The following WHRN variants were observed in gnomAD, a reference collection of about 807,000 sequenced individuals.
WHRN encodes the protein whirlin, also known as CASK-interacting protein CIP98.
WHRN carries 41 observed loss-of-function variants against 68.3 expected under a neutral mutation model. The observed-to-expected ratio is 0.60, with a 90% CI of 0.47 to 0.78. WHRN has a LOEUF of 0.78. WHRN is among the 30% of genes least tolerant of loss of function. The pLI, the probability that WHRN is intolerant of heterozygous loss-of-function variation, is 0.00. For missense variants in WHRN, 1,243 were observed against 1,244.7 expected, an observed-to-expected ratio of 1.00 and a Z score of 0.02; for synonymous variants, 560 against 561.3, an observed-to-expected ratio of 1.00 and a Z score of 0.03.
Position 114,424,636 on chromosome 9 carries a change from C to CT in WHRN, c.1204-91dup, listed in dbSNP as rs1836648176. 4 of 1,383,386 alleles carry CT rather than the reference C, an allele frequency of 2.9e-6. No individual in the cohort carries two copies. In the South Asian group the frequency reaches 3.7e-5, roughly 13 times the overall value. 85.7% of individuals were successfully genotyped at this position (1,383,386 alleles called of 1,614,324 possible). A position where few individuals can be genotyped will look rare whatever the true frequency, so the allele number is the denominator to read the frequency against. On this transcript the variant is annotated intron_variant, in intron 5 of 11. Coordinates refer to ENST00000362057, the MANE Select transcript of WHRN (RefSeq NM_015404.4). Reference sequence around the variant, plus strand: ...CTCCCCCTCTGCCCTTCCATCCTGTCTAAGTGTGGTGTTTCATCTGTTATT... The same window carrying CT: ...CTCCCCCTCTGCCCTTCCATCCTGTCTTAAGTGTGGTGTTTCATCTGTTATT...
At chr9:114,428,239 T>C (rs946561095) in intron 3 of WHRN, among the ~76,000 whole-genome samples, 7 of 152,110 alleles carry the variant, frequency 4.6e-5, no homozygotes, top group African/African-American at 1.7e-4. Flanking sequence ...GGCAGGAGGA[T>C]TGCTTGAACC....
chr9:114,442,565 G>A (rs943544516), intron 3 of WHRN, among the ~76,000 whole-genome samples: 1 of 152,214 alleles, frequency 6.6e-6, no homozygotes, highest in African/African-American at 2.4e-5. Context: ...AGTGTTGCAG[G>A]TGGGCCTAGT....
intron 3 of WHRN, among the ~76,000 whole-genome samples, chr9:114,454,969 C>T (rs1839649773): frequency 6.6e-6 from 1 of 150,532 alleles, no homozygotes; most frequent in South Asian, 2.1e-4. Flanking sequence ...ATAGGGTAGT[C>T]CTTTCAGCAG....
chr9:114,457,100 T>C (rs765413637), intron 3 of WHRN, among the ~76,000 whole-genome samples: 4 of 152,166 alleles, frequency 2.6e-5, no homozygotes, highest in African/African-American at 4.8e-5. Context: ...CATGAGTCAT[T>C]ATACATATTT....
intron 7 of WHRN, among the ~76,000 whole-genome samples, chr9:114,421,052 C>G (rs1008492051): frequency 2.6e-4 from 40 of 152,116 alleles, no homozygotes; most frequent in Admixed American, 2.4e-3. Flanking sequence ...CATGGACTTT[C>G]ACAGTCACAA....
intron 7 of WHRN, among the ~76,000 whole-genome samples, chr9:114,419,809 A>T (rs4979383): frequency 6.6e-6 from 1 of 152,102 alleles, no homozygotes; most frequent in Non-Finnish European, 1.5e-5. Flanking sequence ...CCACTTCCTG[A>T]GGTCTCACAG....
chr9:114,470,644 G>A (rs984807052), intron 2 of WHRN, among the ~76,000 whole-genome samples: 18 of 152,174 alleles, frequency 1.2e-4, no homozygotes, highest in Admixed American at 4.6e-4. Context: ...AGAACAGAGA[G>A]GCTGGCTGAG....
intron 1 of WHRN, among the ~76,000 whole-genome samples, chr9:114,486,941 T>TTGTGTG (rs1347597157): frequency 7.4e-4 from 4 of 5,418 alleles, no homozygotes; most frequent in African/African-American, 1.0e-3. Flanking sequence ...TGTGTGTGTG[T>TTGTGTG]TGTGTGTGTG....
chr9:114,457,914 CAA>C lies in WHRN; in HGVS notation c.963+8351_963+8352del, dbSNP rs11292103. 7.9e-3 allele frequency among the ~76,000 whole-genome samples: 974 copies of C among 123,376 alleles called. 4 individuals are homozygous for C. The highest frequency in any genetic ancestry group is 8.8e-3 in the East Asian group (37 of 4,186). The allele number at this position is 123,376 out of a possible 152,430, so 80.9% of individuals were successfully genotyped here. A position where few individuals can be genotyped will look rare whatever the true frequency, so the allele number is the denominator to read the frequency against. On this transcript the variant is annotated intron_variant, in intron 3 of 11. Coordinates refer to ENST00000362057, the MANE Select transcript of WHRN (RefSeq NM_015404.4). ...CTGGGCAACAGAGCCAGACTCTGTT[CAA>C]AAAAAAAAAAAAAAAGTGGGCATGA...
At chr9:114,452,629 C>A (rs942520) in intron 3 of WHRN, among the ~76,000 whole-genome samples, 87,368 of 152,010 alleles carry the variant, frequency 0.57, 25,734 homozygotes, top group African/African-American at 0.69. Context: ...CTAGGTTGTG[C>A]ATTGAGCAAT....
At chr9:114,430,414 C>A (rs1837313185) in intron 3 of WHRN, among the ~76,000 whole-genome samples, 1 of 152,168 alleles carries the variant, frequency 6.6e-6, no homozygotes, top group Non-Finnish European at 1.5e-5. Context: ...AAATGAGCAT[C>A]CTGTGTTTTT....
At chr9:114,449,173 C>T (rs1471013077) in intron 3 of WHRN, among the ~76,000 whole-genome samples, 2 of 152,212 alleles carry the variant, frequency 1.3e-5, no homozygotes, top group Admixed American at 6.5e-5. Flanking sequence ...TATGTACCCA[C>T]AAGCAGGCAT....
Position 114,402,507 on chromosome 9 carries a change from A to C in WHRN, c.*247T>G. 1.8e-6 allele frequency: 1 copy of C among 570,610 alleles called. No individual in the cohort carries two copies. Among genetic ancestry groups the C allele is most frequent in the Non-Finnish European group, 3.1e-6 (1 of 318,826 alleles). 35.3% of individuals were successfully genotyped at this position (570,610 alleles called of 1,614,324 possible). On this transcript the variant is annotated 3_prime_UTR_variant, in exon 12 of 12. Transcript: ENST00000362057. ...CCTTTTCCTTTCTTCCTGTCTTGCA[A>C]CCCACTTGTCCTGGGCGCCTACTGT... is the stretch of plus-strand genomic sequence containing the variant.
In WHRN at chr9:114,425,004, G is replaced by A. The variant is rs1481369020; in HGVS notation, c.1187C>T (p.Thr396Ile). Reference sequence around the variant, plus strand: ...ATGTCCTACCTTGTTTATTCCTTCTGTTGTGAGATCGCCAAGAAACCTGTG... The same window carrying A: ...ATGTCCTACCTTGTTTATTCCTTCTATTGTGAGATCGCCAAGAAACCTGTG... ...NSAGFLGDLTTEGINKPGFYK... is the reference protein window; with the variant it reads ...NSAGFLGDLTIEGINKPGFYK... The change falls in exon 5 of 12, where the codon ACA becomes ATA. Residue 396 changes from threonine (T) to isoleucine (I), a missense_variant. Thr to Ile is a moderately conservative substitution (Grantham distance 89). Transcript: ENST00000362057. 1.2e-6 allele frequency: 2 copies of A among 1,614,180 alleles called. No homozygotes were observed. Among genetic ancestry groups the A allele is most frequent in the Admixed American group, 1.7e-5 (1 of 60,026 alleles).
chr9:114,494,645 TA>T, intron 1 of WHRN, among the ~76,000 whole-genome samples: 1 of 152,314 alleles, frequency 6.6e-6, no homozygotes, highest in Non-Finnish European at 1.5e-5. Flanking sequence ...CAACAAAACC[TA>T]GGTGTAAATC....
chr9:114,467,339 TAGTGGTAC>T (rs943309648), intron 2 of WHRN, among the ~76,000 whole-genome samples: 1 of 151,986 alleles, frequency 6.6e-6, no homozygotes, highest in African/African-American at 2.4e-5. Flanking sequence ...GCCCGCAGTC[TAGTGGTAC>T]AGACAGTCAA....
Position 114,428,836 on chromosome 9 carries a change from C to T in WHRN, c.964-2423G>A, listed in dbSNP as rs544713605. On this transcript the variant is annotated intron_variant, in intron 3 of 11. Transcript: ENST00000362057. ...TCCACCCCCATCAGCCCCCTGACCT[C>T]GGTTCCTACCTGCTCCCTCCCACGT... Among the ~76,000 whole-genome samples, 6 of 152,222 alleles carry T rather than the reference C, an allele frequency of 3.9e-5. No homozygotes were observed. The South Asian group carries it at 1.2e-3, about 32-fold the overall frequency.
intron 3 of WHRN, among the ~76,000 whole-genome samples, chr9:114,452,188 G>T (rs1839397475): frequency 6.6e-6 from 1 of 152,180 alleles, no homozygotes; most frequent in African/African-American, 2.4e-5. Context: ...CCCTCATGCT[G>T]CTGTATCTTC....
At chr9:114,467,819 T>C (rs1840855063) in intron 2 of WHRN, among the ~76,000 whole-genome samples, 2 of 152,100 alleles carry the variant, frequency 1.3e-5, no homozygotes, top group Non-Finnish European at 2.9e-5. Context: ...GAGAAACACC[T>C]GGCCACAAGA....
Sources: gnomAD v4.1 joint callset for allele counts (sites outside exome capture counted in the v4.1 genomes callset) on GRCh38, gnomAD v4.1.1 for gene constraint, MANE v1.5 for transcripts, NCBI Gene and HGNC (gene_info 2026-07-23, HGNC 2026-07-21) for gene names.